REEP1: variants seen among roughly 807,000 people sequenced by gnomAD.
REEP1 encodes receptor accessory protein 1.
REEP1 carries 22 observed loss-of-function variants against 40.3 expected under a neutral mutation model. That is an observed-to-expected ratio of 0.55 (90% CI 0.39 to 0.78). The LOEUF (loss-of-function observed/expected upper bound fraction) is 0.78, where lower values mean the gene tolerates loss of function less well. Ranked by LOEUF, REEP1 falls within the 30% of genes least tolerant of loss-of-function variation. The pLI, the probability that REEP1 is intolerant of heterozygous loss-of-function variation, is 0.00. For synonymous variants in REEP1, 116 were observed against 139.2 expected, an observed-to-expected ratio of 0.83 and a Z score of 1.17; for missense variants, 280 against 361.1, an observed-to-expected ratio of 0.78 and a Z score of 1.82.
intron 8 of REEP1, among the ~76,000 whole-genome samples, chr2:86,217,684 T>TTTTTTTTTTTTTTTTC (rs1553456158): frequency 1.6e-5 from 2 of 127,786 alleles, no homozygotes; most frequent in Non-Finnish European, 3.4e-5. Flanking sequence ...TTTTTTTTTT[T>TTTTTTTTTTTTTTTTC]CAGATTTTGG....
chr2:86,252,427 G>A (rs1170251392), intron 4 of REEP1, among the ~76,000 whole-genome samples: 3 of 152,080 alleles, frequency 2.0e-5, no homozygotes, highest in African/African-American at 7.2e-5. Flanking sequence ...TGGAGAGAGT[G>A]CCCAGAACCG....
At chr2:86,294,979 A>G (rs1272448017) in intron 1 of REEP1, among the ~76,000 whole-genome samples, 1 of 152,208 alleles carries the variant, frequency 6.6e-6, no homozygotes, top group Non-Finnish European at 1.5e-5. Context: ...ATTGTGTGAA[A>G]CAAAGGATGT....
At chr2:86,330,191 GCA>G (rs1303419740) in intron 1 of REEP1, among the ~76,000 whole-genome samples, 3 of 152,198 alleles carry the variant, frequency 2.0e-5, no homozygotes, top group Non-Finnish European at 4.4e-5. Context: ...TCTCCCAGTT[GCA>G]CAATACCATA....
At chr2:86,255,934 G>C (rs1272506194) in intron 3 of REEP1, among the ~76,000 whole-genome samples, 2 of 152,146 alleles carry the variant, frequency 1.3e-5, no homozygotes, top group Non-Finnish European at 2.9e-5. Flanking sequence ...GCAGTCCAGA[G>C]GTGTAGTAAC....
chr2:86,238,388 A>G (rs867812905), intron 5 of REEP1, among the ~76,000 whole-genome samples: 1 of 152,332 alleles, frequency 6.6e-6, no homozygotes. Context: ...TGCTGTCACT[A>G]CAGCCTTTGA....
chr2:86,257,422 A>G (rs1265472408), intron 3 of REEP1, among the ~76,000 whole-genome samples: 1 of 152,206 alleles, frequency 6.6e-6, no homozygotes, highest in Non-Finnish European at 1.5e-5. Flanking sequence ...TTCTAAAAGC[A>G]AAAACATTAT....
At chr2:86,315,897 A>G (rs1679980478) in intron 1 of REEP1, among the ~76,000 whole-genome samples, 1 of 152,184 alleles carries the variant, frequency 6.6e-6, no homozygotes, top group African/African-American at 2.4e-5. Context: ...CAGGAGAGCT[A>G]AAGGCTTGCT....
At chr2:86,278,879 C>T (rs932999312) in intron 2 of REEP1, among the ~76,000 whole-genome samples, 5 of 152,204 alleles carry the variant, frequency 3.3e-5, no homozygotes, top group African/African-American at 7.2e-5. Flanking sequence ...TATAAATTCC[C>T]GTAAATTCCT....
intron 2 of REEP1, among the ~76,000 whole-genome samples, chr2:86,275,127 C>T (rs1440159675): frequency 6.6e-6 from 1 of 152,126 alleles, no homozygotes; most frequent in Non-Finnish European, 1.5e-5. Flanking sequence ...CAGGGAATTC[C>T]CTGTGCCATA....
intron 1 of REEP1, among the ~76,000 whole-genome samples, chr2:86,334,975 C>T (rs1257880374): frequency 2.6e-5 from 4 of 152,130 alleles, no homozygotes; most frequent in African/African-American, 9.7e-5. Context: ...GATCTTCTGG[C>T]AAGAGGCAAA....
intron 1 of REEP1, among the ~76,000 whole-genome samples, chr2:86,333,585 C>T (rs935140284): frequency 6.6e-6 from 1 of 152,158 alleles, no homozygotes; most frequent in African/African-American, 2.4e-5. Context: ...TCCGTTCAGC[C>T]AACATTCTGG....
intron 5 of REEP1, among the ~76,000 whole-genome samples, chr2:86,246,393 C>T (rs1675956830): frequency 6.6e-6 from 1 of 152,172 alleles, no homozygotes; most frequent in East Asian, 1.9e-4. Context: ...CCCTAATTCA[C>T]AGAATGCTGG....
At chr2:86,220,271 A>G (rs180830650) in intron 7 of REEP1, 150 bp from the exon 8 acceptor site, 6 of 438,592 alleles carry the variant, frequency 1.4e-5, no homozygotes, top group African/African-American at 6.1e-5. Flanking sequence ...GGAAGCACTG[A>G]TGTTTTGGGG....
intron 2 of REEP1, among the ~76,000 whole-genome samples, chr2:86,265,864 C>T (rs1377067100): frequency 1.3e-5 from 2 of 152,146 alleles, no homozygotes; most frequent in Non-Finnish European, 2.9e-5. Context: ...GATGGTTACA[C>T]TAAAAGCCCA....
intron 2 of REEP1, among the ~76,000 whole-genome samples, chr2:86,275,170 A>G (rs1396632878): frequency 6.6e-6 from 1 of 152,194 alleles, no homozygotes; most frequent in Non-Finnish European, 1.5e-5. Flanking sequence ...CCTGCTTTAC[A>G]GATGACTCTG....
rs772310012 is a variant in REEP1 at position 86,244,463 on chromosome 2, C to T, written c.417+7494G>A. 3.6e-4 allele frequency among the ~76,000 whole-genome samples: 55 copies of T among 152,166 alleles called. 1 individual carries two copies. The highest frequency in any genetic ancestry group is 3.8e-4 in the East Asian group (2 of 5,196). ...TTCAGATGCTAAGGGCTATAACCAA[C>T]GCTTGGCTATCGCCTGTTGGCCGCT... On this transcript the variant is annotated intron_variant, in intron 5 of 8. Coordinates refer to ENST00000538924, the MANE Select transcript of REEP1 (RefSeq NM_001371279.1).
chr2:86,228,693 G>T (rs987896344), intron 6 of REEP1, among the ~76,000 whole-genome samples: 22 of 152,068 alleles, frequency 1.4e-4, no homozygotes, highest in African/African-American at 5.3e-4. Flanking sequence ...CTCTACCTCA[G>T]GTGATCCACC....
At chr2:86,217,684 T>C (rs67432928) in intron 8 of REEP1, among the ~76,000 whole-genome samples, 137 of 127,732 alleles carry the variant, frequency 1.1e-3, no homozygotes, top group East Asian at 2.9e-3. Context: ...TTTTTTTTTT[T>C]CAGATTTTGG....
chr2:86,266,025 C>T (rs573920290), intron 2 of REEP1, among the ~76,000 whole-genome samples: 6 of 152,142 alleles, frequency 3.9e-5, no homozygotes, highest in African/African-American at 9.6e-5. Flanking sequence ...AAATACTACA[C>T]GTGAGGGAAT....
Sources: allele counts gnomAD v4.1 joint callset (sites outside exome capture counted in the v4.1 genomes callset), GRCh38; gene constraint gnomAD v4.1.1; transcripts MANE v1.5; gene names NCBI Gene and HGNC (gene_info 2026-07-23, HGNC 2026-07-21).